Variants in C2CD3 observed in about 807,000 individuals in gnomAD.
The protein encoded by C2CD3 is C2 domain containing 3 centriole elongation regulator.
A neutral mutation model predicts 234.0 loss-of-function variants in C2CD3; 148 were observed. That is an observed-to-expected ratio of 0.63 (90% CI 0.55 to 0.72). The LOEUF (loss-of-function observed/expected upper bound fraction) is 0.72. Among genes scored for constraint, C2CD3 ranks in the 30% least tolerant of loss-of-function variants. The pLI, the probability that C2CD3 is intolerant of heterozygous loss-of-function variation, is 0.00. For synonymous variants in C2CD3, 1,000 were observed against 1,035.4 expected (o/e 0.97, Z 0.66); for missense variants, 2,577 against 2,811.5 (o/e 0.92, Z 1.89).
chr11:74,027,034 A>C (rs1026559382), intron 32 of C2CD3, among the ~76,000 whole-genome samples: 16 of 151,282 alleles, frequency 1.1e-4, no homozygotes, highest in African/African-American at 3.6e-4. Context: ...CTCAGCCTTT[A>C]GGCATCTCAG....
At chr11:74,034,745 A>C in intron 30 of C2CD3, 1 of 762,178 alleles carries the variant, frequency 1.3e-6, no homozygotes, top group Non-Finnish European at 2.2e-6. Context: ...ATTTACACAG[A>C]AAATAGAAGC....
intron 5 of C2CD3, among the ~76,000 whole-genome samples, chr11:74,133,919 C>T (rs538686361): frequency 8.5e-5 from 13 of 152,206 alleles, no homozygotes; most frequent in Non-Finnish European, 1.5e-4. Flanking sequence ...CAAATTTATA[C>T]TTCTATGGAT....
chr11:74,044,843 T>C (rs2135425094), intron 28 of C2CD3, among the ~76,000 whole-genome samples: 1 of 152,222 alleles, frequency 6.6e-6, no homozygotes, highest in South Asian at 2.1e-4. Flanking sequence ...TCGCTTAGGA[T>C]AATGGCCTCC....
intron 3 of C2CD3, among the ~76,000 whole-genome samples, chr11:74,155,592 C>A (rs181450019): frequency 1.3e-5 from 2 of 152,120 alleles, no homozygotes; most frequent in African/African-American, 4.8e-5. Context: ...CATGCTATAA[C>A]ATGGATGAAA....
At chr11:74,153,228 A>G (rs370771959) in intron 3 of C2CD3, among the ~76,000 whole-genome samples, 20 of 151,928 alleles carry the variant, frequency 1.3e-4, no homozygotes, top group African/African-American at 4.8e-4. Flanking sequence ...AACAAAACAA[A>G]ACAAAACAAA....
intron 32 of C2CD3, among the ~76,000 whole-genome samples, chr11:74,026,501 C>T (rs1035712559): frequency 3.3e-5 from 5 of 152,170 alleles, no homozygotes; most frequent in Admixed American, 2.6e-4. Context: ...GACTACAACT[C>T]TCAGGATACT....
intron 32 of C2CD3, among the ~76,000 whole-genome samples, chr11:74,018,137 A>C (rs978732286): frequency 2.0e-5 from 3 of 152,176 alleles, no homozygotes; most frequent in African/African-American, 7.2e-5. Flanking sequence ...CTTCTTATCC[A>C]GGTCTATGCT....
intron 32 of C2CD3, among the ~76,000 whole-genome samples, chr11:74,027,623 A>G (rs1952357237): frequency 6.6e-6 from 1 of 152,118 alleles, no homozygotes; most frequent in African/African-American, 2.4e-5. Flanking sequence ...TTTTTTGCTC[A>G]TTATTTGTGC....
At chr11:74,043,730 T>C (rs1279388473) in intron 28 of C2CD3, among the ~76,000 whole-genome samples, 2 of 152,234 alleles carry the variant, frequency 1.3e-5, no homozygotes, top group Non-Finnish European at 1.5e-5. Flanking sequence ...ACTGTGATTA[T>C]TGGCCATTTG....
chr11:74,084,087 T>C (rs1008131256), intron 22 of C2CD3, among the ~76,000 whole-genome samples: 11 of 152,122 alleles, frequency 7.2e-5, no homozygotes, highest in Non-Finnish European at 1.5e-4. Flanking sequence ...ATGTGGCACA[T>C]ATACACCATG....
chr11:74,155,966 C>T (rs747083779), intron 3 of C2CD3, among the ~76,000 whole-genome samples: 12 of 151,902 alleles, frequency 7.9e-5, no homozygotes, highest in Non-Finnish European at 1.8e-4. Flanking sequence ...CATGGCAAAA[C>T]CCTGTGTCTA....
chr11:74,085,577 C>G, intron 21 of C2CD3, 41 bp downstream of exon 21: 1 of 1,604,378 alleles, frequency 6.2e-7, no homozygotes, highest in Non-Finnish European at 8.5e-7. Context: ...CACAATGCAG[C>G]CTCTTTTAAT....
chr11:74,153,970 G>A (rs989782084), intron 3 of C2CD3, among the ~76,000 whole-genome samples: 1 of 151,716 alleles, frequency 6.6e-6, no homozygotes, highest in Non-Finnish European at 1.5e-5. Context: ...GTGGGAAAGG[G>A]CAATCTTTTC....
chr11:74,170,379 T>C (rs1192314028), intron 1 of C2CD3, among the ~76,000 whole-genome samples: 5 of 152,212 alleles, frequency 3.3e-5, no homozygotes, highest in Non-Finnish European at 4.4e-5. Flanking sequence ...ACAAATGATA[T>C]AATCCCTTTG....
chr11:74,127,612 T>C (rs1957454784), intron 7 of C2CD3, among the ~76,000 whole-genome samples: 1 of 152,198 alleles, frequency 6.6e-6, no homozygotes, highest in Admixed American at 6.5e-5. Context: ...GGTCACATGG[T>C]AAACATTTGT....
In C2CD3 at chr11:74,170,907, A is replaced by G; in HGVS notation, c.-115T>C. 1 of 1,511,962 alleles carries G rather than the reference A, an allele frequency of 6.6e-7. No individual in the cohort carries two copies. The highest frequency in any genetic ancestry group is 8.9e-7 in the Non-Finnish European group (1 of 1,128,646). 93.7% of individuals were successfully genotyped at this position (1,511,962 alleles called of 1,614,324 possible). ...TCCCCGGCAACCGGCGCCGCTGGGCAGCCTGGGAGGCAGGAAAAAGCGACT... is the reference window on the plus strand; with the variant it reads ...TCCCCGGCAACCGGCGCCGCTGGGCGGCCTGGGAGGCAGGAAAAAGCGACT... On this transcript the variant is annotated 5_prime_UTR_variant, in exon 1 of 33. Transcript: ENST00000334126.
chr11:74,068,586 T>G (rs1481776936), intron 24 of C2CD3, among the ~76,000 whole-genome samples: 1 of 152,154 alleles, frequency 6.6e-6, no homozygotes, highest in African/African-American at 2.4e-5. Context: ...CCAATCACTG[T>G]TCCCAGAGGC....
rs1955182487 is a variant in C2CD3 at position 74,078,606 on chromosome 11, T to C, written c.4112A>G (p.His1371Arg). 1.2e-6 allele frequency: 2 copies of C among 1,614,170 alleles called. No individual in the cohort carries two copies. The highest frequency in any genetic ancestry group is 1.7e-6 in the Non-Finnish European group (2 of 1,180,028). ...GGLELSISFTHRGDRERVLEA... is the reference protein window; with the variant it reads ...GGLELSISFTRRGDRERVLEA... ...CAACACCCGTTCTCTATCTCCACGATGCGTGAAGGAAATCGAAAGCTCCAG... is the reference window on the plus strand; with the variant it reads ...CAACACCCGTTCTCTATCTCCACGACGCGTGAAGGAAATCGAAAGCTCCAG... The change falls in exon 23 of 33, where the codon CAT (histidine) becomes CGT (arginine). Residue 1371 changes from histidine (H) to arginine (R), a missense_variant. By Grantham distance (29) the His-to-Arg change is conservative. Coordinates refer to ENST00000334126, the MANE Select transcript of C2CD3 (RefSeq NM_001286577.2).
At chr11:74,049,576 C>T (rs1953574438) in intron 26 of C2CD3, 34 bp from the exon 27 acceptor site, 1 of 1,558,470 alleles carries the variant, frequency 6.4e-7, no homozygotes, top group East Asian at 2.3e-5. Flanking sequence ...GGCAATGTGG[C>T]TAGGCATGTC....
Sources: gnomAD v4.1 joint callset for allele counts (sites outside exome capture counted in the v4.1 genomes callset) on GRCh38, gnomAD v4.1.1 for gene constraint, MANE v1.5 for transcripts, NCBI Gene and HGNC (gene_info 2026-07-23, HGNC 2026-07-21) for gene names.